The following TTYH2 variants were observed in gnomAD, a reference collection of about 807,000 sequenced individuals.
The protein encoded by TTYH2 is protein tweety homolog 2.
In TTYH2, 49 loss-of-function variants were observed where a neutral mutation model predicts 68.3. The ratio of observed to expected loss-of-function variants is 0.72; its 90% CI spans 0.57 to 0.91. TTYH2 has a LOEUF of 0.91. Among genes scored for constraint, TTYH2 ranks in the 40% least tolerant of loss-of-function variants. The pLI is 0.00. For synonymous variants in TTYH2, 272 were observed against 300.8 expected (o/e 0.90, Z 0.99); for missense variants, 631 against 700.4 (o/e 0.90, Z 1.12).
intron 10 of TTYH2, 74 bp downstream of exon 10, chr17:74,250,431 G>A: frequency 7.6e-7 from 1 of 1,312,752 alleles, no homozygotes; most frequent in Non-Finnish European, 1.1e-6. Flanking sequence ...AGAAAAGCCG[G>A]TAGAGGCCGA....
At position 74,260,831 on chromosome 17, in the gene TTYH2, C is replaced by T. The variant is rs1413282768; in HGVS notation, c.*622C>T. 6.5e-6 allele frequency: 1 copy of T among 153,504 alleles called. No homozygotes were observed. The highest frequency in any genetic ancestry group is 2.4e-5 in the African/African-American group (1 of 41,438). The allele number at this position is 153,504 out of a possible 1,614,324, so 9.5% of individuals were successfully genotyped here. The stretch of plus-strand genomic sequence containing the variant: ...GCTCTGCAGTGGGGGGCTGGTGGCT[C>T]CGGGGCTGGGGGATCACAGGCTGGT... On this transcript the variant is annotated 3_prime_UTR_variant, in exon 14 of 14. Coordinates refer to ENST00000269346, the MANE Select transcript of TTYH2 (RefSeq NM_032646.6).
At chr17:74,235,179 C>T (rs991236288) in intron 3 of TTYH2, among the ~76,000 whole-genome samples, 1 of 152,188 alleles carries the variant, frequency 6.6e-6, no homozygotes, top group Non-Finnish European at 1.5e-5. Context: ...CCCAGCGTAG[C>T]GCAGATGTAA....
intron 3 of TTYH2, 100 bp downstream of exon 3, chr17:74,231,099 A>C: frequency 6.3e-6 from 7 of 1,116,462 alleles, no homozygotes; most frequent in Non-Finnish European, 9.2e-6. Flanking sequence ...TCAGCTGCAC[A>C]CGGAGGGGCT....
At position 74,222,254 on chromosome 17, in the gene TTYH2, C is replaced by T. The variant is rs774937995; in HGVS notation, c.130-231C>T. Among the ~76,000 whole-genome samples, 2 of 152,216 alleles carry T rather than the reference C, an allele frequency of 1.3e-5. No individual in the cohort carries two copies. Among genetic ancestry groups the T allele is most frequent in the East Asian group, 1.9e-4 (1 of 5,198 alleles). On this transcript the variant is annotated intron_variant, in intron 1 of 13. Transcript: ENST00000269346. This position sits in a 1 kb window ranked among gnomAD's most constrained non-coding sequence, Gnocchi z 5.2. Reference sequence around the variant, plus strand: ...TCTGGCACCCCTCCCTCACTGACCACGAGGCCCACCACTTGGCCTCATGCC... The same window carrying T: ...TCTGGCACCCCTCCCTCACTGACCATGAGGCCCACCACTTGGCCTCATGCC...
intron 4 of TTYH2, 97 bp from the exon 5 acceptor site, chr17:74,243,277 C>G: frequency 1.0e-6 from 1 of 991,078 alleles, no homozygotes. Flanking sequence ...AGTAGAGGGT[C>G]CAGTGTGTCC....
chr17:74,230,857 C>T, intron 2 of TTYH2, 31 bp from the exon 3 acceptor site: 2 of 1,609,630 alleles, frequency 1.2e-6, no homozygotes, highest in South Asian at 2.2e-5. Flanking sequence ...TGTGTATCAC[C>T]TCTAACCTCT....
chr17:74,246,218 G>A (rs1242559765), intron 6 of TTYH2, among the ~76,000 whole-genome samples: 1 of 152,146 alleles, frequency 6.6e-6, no homozygotes, highest in East Asian at 1.9e-4. Context: ...CCAGCTAAGG[G>A]GCAGCCAGGC....
intron 2 of TTYH2, among the ~76,000 whole-genome samples, chr17:74,228,829 A>G (rs889669313): frequency 6.6e-6 from 1 of 152,200 alleles, no homozygotes; most frequent in Admixed American, 6.5e-5. Context: ...CTCAGGCCAC[A>G]TTTAAGAGTG....
chr17:74,258,519 G>A (rs1006836418), intron 13 of TTYH2, among the ~76,000 whole-genome samples: 3 of 152,012 alleles, frequency 2.0e-5, no homozygotes, highest in African/African-American at 4.8e-5. Context: ...CACCTGTCTC[G>A]GCTTCCCAAA....
rs1253478708 is a variant in TTYH2, at chr17:74,220,163, G to A, written c.130-2322G>A. On this transcript the variant is annotated intron_variant, in intron 1 of 13. Transcript: ENST00000269346. ...GCCTCGCTGGTTTGCAAATGATTAA[G>A]AGGATCCCTGGGCTTTAGCAGAGAG... Among the ~76,000 whole-genome samples, 4 of 152,174 alleles carry A rather than the reference G, an allele frequency of 2.6e-5. No individual in the cohort carries two copies. In the East Asian group the frequency reaches 7.7e-4, roughly 29 times the overall value.
In TTYH2 at chr17:74,217,890, A is replaced by G. The variant is rs2050236487; in HGVS notation, c.129+4174A>G. Among the ~76,000 whole-genome samples, 1 of 152,200 alleles carries G rather than the reference A, an allele frequency of 6.6e-6. No individual in the cohort carries two copies. Among genetic ancestry groups the G allele is most frequent in the Non-Finnish European group, 1.5e-5 (1 of 68,032 alleles). On this transcript the variant is annotated intron_variant, in intron 1 of 13. Coordinates refer to ENST00000269346, the MANE Select transcript of TTYH2 (RefSeq NM_032646.6). The surrounding 1 kb of genome is among the most constrained non-coding windows in gnomAD (Gnocchi z 4.0). The stretch of plus-strand genomic sequence containing the variant: ...AAGTCCCTTTGATGAGGGGAGAGGC[A>G]GAGTCTGAGCACCAGTGTGGGAGCT...
chr17:74,254,473 A>G (rs1307425484), intron 13 of TTYH2, among the ~76,000 whole-genome samples: 1 of 152,168 alleles, frequency 6.6e-6, no homozygotes, highest in Admixed American at 6.5e-5. Flanking sequence ...CGGCCAGCTA[A>G]TTGCCTTTAT....
rs1218771711 is a variant in TTYH2, at chr17:74,232,098, T to A, written c.414+1099T>A. 6.6e-6 allele frequency among the ~76,000 whole-genome samples: 1 copy of A among 152,188 alleles called. No individual in the cohort carries two copies. Among genetic ancestry groups the A allele is most frequent in the Non-Finnish European group, 1.5e-5 (1 of 68,028 alleles). On this transcript the variant is annotated intron_variant, in intron 3 of 13. Transcript: ENST00000269346. The surrounding 1 kb of genome is among the most constrained non-coding windows in gnomAD (Gnocchi z 5.1). Reference sequence around the variant, plus strand: ...ATTCTCACTCTAAGCACCAGACCTTTTCAGCTGCTTATCCGAGCAGCCTCT... The same window carrying A: ...ATTCTCACTCTAAGCACCAGACCTTATCAGCTGCTTATCCGAGCAGCCTCT...
chr17:74,243,084 G>T (rs2050518062), intron 4 of TTYH2, among the ~76,000 whole-genome samples: 3 of 152,212 alleles, frequency 2.0e-5, no homozygotes, highest in Admixed American at 6.5e-5. Flanking sequence ...GGACAGCAGG[G>T]ATTTAGAACA....
intron 13 of TTYH2, among the ~76,000 whole-genome samples, chr17:74,259,879 G>A (rs950820089): frequency 2.0e-5 from 3 of 152,328 alleles, no homozygotes; most frequent in African/African-American, 7.2e-5. Context: ...GCTGCCCCCA[G>A]TGTGAGGGGA....
rs758440867 is a variant in TTYH2 at position 74,250,037 on chromosome 17, GCTGTGC to G, written c.1023+10_1023+15del. On this transcript the variant is annotated intron_variant, in intron 9 of 13. Coordinates refer to ENST00000269346, the MANE Select transcript of TTYH2 (RefSeq NM_032646.6). Reference sequence around the variant, plus strand: ...TCTTCTCCACTGCAGAGGTAAGGCAGCTGTGCAGGAAGAGGGGAGCCCCAGATGAAC... The same window carrying G: ...TCTTCTCCACTGCAGAGGTAAGGCAGAGGAAGAGGGGAGCCCCAGATGAAC... The G allele has an allele frequency of 3.7e-6, 6 of 1,613,896 alleles. No individual in the cohort carries two copies. In the South Asian group the frequency reaches 6.6e-5, roughly 18 times the overall value.
intron 2 of TTYH2, among the ~76,000 whole-genome samples, chr17:74,228,915 G>T (rs542304559): frequency 6.6e-6 from 1 of 152,300 alleles, no homozygotes; most frequent in South Asian, 2.1e-4. Flanking sequence ...TCCCAAGAAG[G>T]ACACCTGCCC....
chr17:74,255,067 C>T (rs1310237957), intron 13 of TTYH2, among the ~76,000 whole-genome samples: 2 of 152,310 alleles, frequency 1.3e-5, no homozygotes, highest in Admixed American at 6.5e-5. Context: ...GCTGTCTCAT[C>T]CCAGAGAAGT....
intron 3 of TTYH2, among the ~76,000 whole-genome samples, chr17:74,234,441 A>G (rs2143743552): frequency 6.6e-6 from 1 of 152,238 alleles, no homozygotes; most frequent in African/African-American, 2.4e-5. Context: ...GGAATTGGGG[A>G]TGGTATAGAG....
Sources: allele counts gnomAD v4.1 joint callset (sites outside exome capture counted in the v4.1 genomes callset), GRCh38; gene constraint gnomAD v4.1.1; non-coding constraint Gnocchi (gnomAD v3.1); transcripts MANE v1.5; gene names NCBI Gene and HGNC (gene_info 2026-07-23, HGNC 2026-07-21).